Variants in ZFP69 observed in about 807,000 individuals in gnomAD.
ZFP69 encodes the protein zinc finger protein 69 homolog.
In ZFP69, 35 loss-of-function variants were observed where a neutral mutation model predicts 48.9. The ratio of observed to expected loss-of-function variants is 0.72; its 90% CI spans 0.55 to 0.95. ZFP69 has a LOEUF of 0.95. Among genes scored for constraint, ZFP69 ranks in the 40% least tolerant of loss-of-function variants. The probability of loss-of-function intolerance (pLI) is 0.00; values close to 1 mark genes in which losing one functional copy is unlikely to be tolerated. For synonymous variants in ZFP69, 193 were observed against 216.8 expected (o/e 0.89, Z 0.96); for missense variants, 557 against 638.4 (o/e 0.87, Z 1.37).
intron 5 of ZFP69, among the ~76,000 whole-genome samples, chr1:40,494,425 C>T (rs538556339): frequency 0.051 from 7,328 of 145,022 alleles, 245 homozygotes; most frequent in African/African-American, 0.096. Context: ...CCCGCCACTA[C>T]GCCCGGCTAA....
At chr1:40,487,361 G>A (rs1190591633) in intron 3 of ZFP69, among the ~76,000 whole-genome samples, 1 of 151,876 alleles carries the variant, frequency 6.6e-6, no homozygotes, top group African/African-American at 2.4e-5. Flanking sequence ...ATGTAGCCTA[G>A]GAGTATCAAA....
In ZFP69 at chr1:40,495,060, T is replaced by C. The variant is rs753903193; in HGVS notation, c.582T>C (p.Tyr194=). 4 of 1,614,004 alleles carry C rather than the reference T, an allele frequency of 2.5e-6. No homozygotes were observed. The highest frequency in any genetic ancestry group is 1.1e-5 in the South Asian group (1 of 91,084). Residue 194 remains tyrosine, a synonymous_variant, in exon 6 of 6, where the codon TAT becomes TAC. Coordinates refer to ENST00000372706, the MANE Select transcript of ZFP69 (RefSeq NM_001320179.2). ...IYSTLRKVST[Y]DDVLERHQET... is the part of the protein sequence containing the mutation. ...CCACGTTGAGAAAAGTCTCCACATA[T>C]GATGATGTCTTAGAAAGGCACCAGG... is the stretch of plus-strand genomic sequence containing the variant.
intron 3 of ZFP69, among the ~76,000 whole-genome samples, chr1:40,484,040 A>C (rs1247688387): frequency 6.6e-6 from 1 of 152,104 alleles, no homozygotes; most frequent in Non-Finnish European, 1.5e-5. Flanking sequence ...GCGCCATTGC[A>C]CTCTAGCCTG....
In ZFP69 at chr1:40,495,649, A is replaced by G; in HGVS notation, c.1171A>G (p.Thr391Ala). 6.2e-7 allele frequency: 1 copy of G among 1,614,218 alleles called. No homozygotes were observed. Residue 391 changes from threonine to alanine, a missense_variant, in exon 6 of 6, where the codon ACC (threonine) becomes GCC (alanine). Physicochemically the swap from Thr to Ala is moderately conservative, Grantham distance 58. Coordinates refer to ENST00000372706, the MANE Select transcript of ZFP69 (RefSeq NM_001320179.2). ...TTTTACTTGCAATGAATGTGGGAAA[A>G]CCTTTAGACAGATTAGACACCTTAG... is the stretch of plus-strand genomic sequence containing the variant. ...KPFTCNECGK[T>A]FRQIRHLSEH...
At chr1:40,494,534 C>T (rs1352059219) in intron 5 of ZFP69, among the ~76,000 whole-genome samples, 2 of 146,984 alleles carry the variant, frequency 1.4e-5, no homozygotes, top group Non-Finnish European at 3.0e-5. Flanking sequence ...TCCCAAAGTG[C>T]TGGGATTACA....
intron 4 of ZFP69, 89 bp from the exon 5 acceptor site, chr1:40,489,439 GA>G: frequency 1.6e-6 from 2 of 1,251,212 alleles, no homozygotes; most frequent in Non-Finnish European, 2.3e-6. Context: ...CACTTGTGGA[GA>G]CCCTGAATAC....
intron 3 of ZFP69, among the ~76,000 whole-genome samples, chr1:40,485,120 T>G (rs1288516459): frequency 6.6e-6 from 1 of 151,882 alleles, no homozygotes; most frequent in African/African-American, 2.4e-5. Flanking sequence ...CTCGAAATCC[T>G]GACCTCAGGT....
chr1:40,490,295 ACACTGGGGAT>A (rs1226901930), intron 5 of ZFP69, among the ~76,000 whole-genome samples: 1 of 152,160 alleles, frequency 6.6e-6, no homozygotes, highest in Non-Finnish European at 1.5e-5. Flanking sequence ...CCCACCTGCA[ACACTGGGGAT>A]CACATTTCAA....
rs1645613893 is a variant in ZFP69, at chr1:40,494,983, T to G, written c.505T>G (p.Leu169Val). 6.2e-7 allele frequency: 1 copy of G among 1,613,826 alleles called. No individual in the cohort carries two copies. Among genetic ancestry groups the G allele is most frequent in the Non-Finnish European group, 8.5e-7 (1 of 1,179,986 alleles). The change falls in exon 6 of 6, where the codon TTA becomes GTA. Residue 169 changes from leucine (L) to valine (V), a missense_variant. By Grantham distance (32) the Leu-to-Val change is conservative (BLOSUM62 1). Coordinates refer to ENST00000372706, the MANE Select transcript of ZFP69 (RefSeq NM_001320179.2). ...TAKSTISQER[L>V]YHGIMMESFM... is the part of the protein sequence containing the mutation. ...AAAGAGTACCATTTCACAGGAGCGCTTATATCATGGCATTATGATGGAAAG... is the reference window on the plus strand; with the variant it reads ...AAAGAGTACCATTTCACAGGAGCGCGTATATCATGGCATTATGATGGAAAG...
At chr1:40,494,287 G>A (rs1349919326) in intron 5 of ZFP69, among the ~76,000 whole-genome samples, 8 of 34,090 alleles carry the variant, frequency 2.3e-4, no homozygotes, top group Non-Finnish European at 3.9e-4. Context: ...TTTTTTTTTT[G>A]AGACGGAGTC....
At chr1:40,478,802 G>A (rs1016328025) in intron 1 of ZFP69, among the ~76,000 whole-genome samples, 1 of 152,116 alleles carries the variant, frequency 6.6e-6, no homozygotes, top group Non-Finnish European at 1.5e-5. Flanking sequence ...AAGCCAGGCT[G>A]TCTGATTTCA....
intron 5 of ZFP69, among the ~76,000 whole-genome samples, chr1:40,492,128 A>G (rs1645575966): frequency 6.6e-6 from 1 of 152,062 alleles, no homozygotes; most frequent in African/African-American, 2.4e-5. Context: ...TACCTCACCT[A>G]CTAAAGAGGC....
chr1:40,489,505 C>T (rs1645540816), intron 4 of ZFP69, 24 bp from the exon 5 acceptor site: 1 of 1,587,188 alleles, frequency 6.3e-7, no homozygotes, highest in Non-Finnish European at 8.6e-7. Context: ...AACATTCACA[C>T]TGTTTTTTTT....
In ZFP69 at chr1:40,494,255, A is replaced by ATTTTTTTTTTTTT. The variant is rs1645598717; in HGVS notation, c.443-666_443-665insTTTTTTTTTTTTT. On this transcript the variant is annotated intron_variant, in intron 5 of 5. Transcript: ENST00000372706. ...ATTAGAGCAGGACTAAAAGATTCAAAATTTTTTTTTTTTTTTTTTTTTTTT... is the reference window on the plus strand; with the variant it reads ...ATTAGAGCAGGACTAAAAGATTCAAATTTTTTTTTTTTTATTTTTTTTTTTTTTTTTTTTTTTT... Among the ~76,000 whole-genome samples, 18 of 123,872 alleles carry ATTTTTTTTTTTTT rather than the reference A, an allele frequency of 1.5e-4. 3 individuals carry two copies. The highest frequency in any genetic ancestry group is 2.5e-4 in the African/African-American group (8 of 31,594). The allele number at this position is 123,872 out of a possible 152,430, so 81.3% of individuals were successfully genotyped here. A position where few individuals can be genotyped will look rare whatever the true frequency, so the allele number is the denominator to read the frequency against.
intron 3 of ZFP69, among the ~76,000 whole-genome samples, chr1:40,485,802 T>C (rs1645490145): frequency 6.6e-6 from 1 of 152,246 alleles, no homozygotes; most frequent in Non-Finnish European, 1.5e-5. Context: ...CATTATCTTT[T>C]AGATTGTATT....
Position 40,494,972 on chromosome 1 carries a change from C to T in ZFP69, c.494C>T (p.Ser165Leu), listed in dbSNP as rs529696394. The change falls in exon 6 of 6, where the codon TCA becomes TTA. Residue 165 changes from serine (S) to leucine (L), a missense_variant. Physicochemically the swap from Ser to Leu is moderately radical, Grantham distance 145. Coordinates refer to ENST00000372706, the MANE Select transcript of ZFP69 (RefSeq NM_001320179.2). ...GAGTCAACTGCAAAGAGTACCATTT[C>T]ACAGGAGCGCTTATATCATGGCATT... ...TIESTAKSTI[S>L]QERLYHGIMM... 6.2e-7 allele frequency: 1 copy of T among 1,613,708 alleles called. No individual in the cohort carries two copies. The highest frequency in any genetic ancestry group is 1.1e-5 in the South Asian group (1 of 91,046).
intron 2 of ZFP69, among the ~76,000 whole-genome samples, chr1:40,480,683 C>G (rs1050645674): frequency 2.6e-5 from 4 of 151,946 alleles, no homozygotes; most frequent in African/African-American, 9.7e-5. Context: ...CTGGTAAGGT[C>G]ACAACAAATT....
chr1:40,484,320 C>T (rs1019348164), intron 3 of ZFP69, among the ~76,000 whole-genome samples: 4 of 151,784 alleles, frequency 2.6e-5, no homozygotes, highest in Admixed American at 2.6e-4. Flanking sequence ...CAGCCTCAGC[C>T]TCCCGAGTAG....
At position 40,496,321 on chromosome 1, in the gene ZFP69, TAATA is replaced by T. The variant is rs1202766823; in HGVS notation, c.*266_*269del. ...GTTTTTTTCTGATTTCATGGTGGAT[TAATA>T]AATTATTCTTCATGGGTATTCATGA... On this transcript the variant is annotated 3_prime_UTR_variant, in exon 6 of 6. Transcript: ENST00000372706. 7 of 302,074 alleles carry T rather than the reference TAATA, an allele frequency of 2.3e-5. No individual in the cohort carries two copies. Among genetic ancestry groups the T allele is most frequent in the African/African-American group, 4.3e-5 (2 of 46,524 alleles). 18.7% of individuals were successfully genotyped at this position (302,074 alleles called of 1,614,324 possible). A position where few individuals can be genotyped will look rare whatever the true frequency, so the allele number is the denominator to read the frequency against.
Sources: allele counts gnomAD v4.1 joint callset (sites outside exome capture counted in the v4.1 genomes callset), GRCh38; gene constraint gnomAD v4.1.1; transcripts MANE v1.5; gene names NCBI Gene and HGNC (gene_info 2026-07-23, HGNC 2026-07-21).